NUP214: variants seen among roughly 807,000 people sequenced by gnomAD.
The protein encoded by NUP214 is nuclear pore complex protein Nup214.
In NUP214, 79 loss-of-function variants were observed where a neutral mutation model predicts 196.2. That is an observed-to-expected ratio of 0.40 (90% CI 0.34 to 0.49). NUP214 has a LOEUF of 0.49. Among genes scored for constraint, NUP214 ranks in the 20% least tolerant of loss-of-function variants. The pLI, the probability that NUP214 is intolerant of heterozygous loss-of-function variation, is 0.58. For synonymous variants in NUP214, 1,020 were observed against 990.5 expected (o/e 1.03, Z -0.56); for missense variants, 2,468 against 2,539.0 (o/e 0.97, Z 0.60).
chr9:131,221,276 T>TG (rs1484799432), intron 31 of NUP214, among the ~76,000 whole-genome samples: 1 of 152,190 alleles, frequency 6.6e-6, no homozygotes, highest in Non-Finnish European at 1.5e-5. Flanking sequence ...TGCCAGTACC[T>TG]GACATACCTG....
At chr9:131,233,253 T>C (rs1834927070) in intron 35 of NUP214, among the ~76,000 whole-genome samples, 1 of 151,940 alleles carries the variant, frequency 6.6e-6, no homozygotes, top group Non-Finnish European at 1.5e-5. Flanking sequence ...AAAGAAGCAC[T>C]TGAGCCCGAG....
At chr9:131,140,852 T>C in intron 11 of NUP214, 142 bp downstream of exon 11, 1 of 733,702 alleles carries the variant, frequency 1.4e-6, no homozygotes, top group Non-Finnish European at 2.1e-6. Context: ...CACTAATCTT[T>C]TTTTTAAACA....
At chr9:131,208,815 G>A (rs1477697911) in intron 30 of NUP214, among the ~76,000 whole-genome samples, 1 of 150,742 alleles carries the variant, frequency 6.6e-6, no homozygotes, top group Non-Finnish European at 1.5e-5. Flanking sequence ...AAGAGATGGA[G>A]ACCATCCTGG....
At chr9:131,138,313 G>T (rs563017492) in intron 9 of NUP214, among the ~76,000 whole-genome samples, 6 of 151,216 alleles carry the variant, frequency 4.0e-5, no homozygotes, top group Non-Finnish European at 8.8e-5. Flanking sequence ...CTGCTTTCCG[G>T]GTTCAAGTGA....
intron 19 of NUP214, 97 bp downstream of exon 19, chr9:131,163,270 C>G (rs1832695565): frequency 5.8e-6 from 7 of 1,201,948 alleles, no homozygotes; most frequent in Non-Finnish European, 8.1e-6. Context: ...GCAAGTGACT[C>G]TGTGTCTCTC....
At chr9:131,155,080 A>G (rs953280127) in intron 17 of NUP214, among the ~76,000 whole-genome samples, 1 of 152,222 alleles carries the variant, frequency 6.6e-6, no homozygotes, top group African/African-American at 2.4e-5. Context: ...TGTTTTCTGT[A>G]GTGGTTGTAC....
chr9:131,184,129 C>G (rs1833381188), intron 24 of NUP214, among the ~76,000 whole-genome samples: 1 of 140,952 alleles, frequency 7.1e-6, no homozygotes, highest in Non-Finnish European at 1.5e-5. Flanking sequence ...CTCTCAGGTT[C>G]AAGCGATTCT....
Position 131,228,413 on chromosome 9 carries a change from A to G in NUP214, c.6074+82A>G, listed in dbSNP as rs527794914. On this transcript the variant is annotated intron_variant, in intron 33 of 35. Coordinates refer to ENST00000359428, the MANE Select transcript of NUP214 (RefSeq NM_005085.4). Reference sequence around the variant, plus strand: ...GGCCTGTACTCTTGCTCTGAAAAGAAATTTGACCATGAGGTGAAGGCCCCT... The same window carrying G: ...GGCCTGTACTCTTGCTCTGAAAAGAGATTTGACCATGAGGTGAAGGCCCCT... 1,203 of 1,407,866 alleles carry G rather than the reference A, an allele frequency of 8.5e-4. 1 individual carries two copies. The highest frequency in any genetic ancestry group is 1.1e-3 in the Non-Finnish European group (1,124 of 1,056,962). 87.2% of individuals were successfully genotyped at this position (1,407,866 alleles called of 1,614,324 possible).
chr9:131,225,845 A>G (rs2131101153), intron 32 of NUP214, among the ~76,000 whole-genome samples: 1 of 152,338 alleles, frequency 6.6e-6, no homozygotes, highest in Middle Eastern at 3.4e-3. Context: ...AAAAGTATCT[A>G]TCCTCCCTTC....
chr9:131,159,323 A>G (rs1472074039), intron 17 of NUP214, 60 bp from the exon 18 acceptor site: 11 of 1,172,492 alleles, frequency 9.4e-6, no homozygotes, highest in Non-Finnish European at 1.4e-5. Flanking sequence ...CTGTTTTGAT[A>G]CATCTTCCCC....
Position 131,232,560 on chromosome 9 carries a change from A to G in NUP214, c.6239+252A>G, listed in dbSNP as rs1834909732. ...TCAAAGAGAAAAGAGCACGCCTGCC[A>G]GTGAGCTGGGCCTGAGGGCAGCGCT... On this transcript the variant is annotated intron_variant, in intron 35 of 35. Transcript: ENST00000359428. This position sits in a 1 kb window ranked among gnomAD's most constrained non-coding sequence, Gnocchi z 5.1. 1 of 574,952 alleles carries G rather than the reference A, an allele frequency of 1.7e-6. No individual in the cohort carries two copies. Among genetic ancestry groups the G allele is most frequent in the Admixed American group, 2.9e-5 (1 of 34,390 alleles). The allele number at this position is 574,952 out of a possible 1,614,324, so 35.6% of individuals were successfully genotyped here.
At chr9:131,178,701 T>TG (rs1346444906) in intron 24 of NUP214, among the ~76,000 whole-genome samples, 1 of 105,562 alleles carries the variant, frequency 9.5e-6, no homozygotes, top group Non-Finnish European at 2.0e-5. Flanking sequence ...GTGTGCAGGT[T>TG]GATTTTTTTT....
At chr9:131,148,412 T>G (rs1331496534) in intron 14 of NUP214, among the ~76,000 whole-genome samples, 1 of 152,214 alleles carries the variant, frequency 6.6e-6, no homozygotes, top group East Asian at 1.9e-4. Context: ...TATGTAGCAC[T>G]GCTATGACCG....
At position 131,198,616 on chromosome 9, in the gene NUP214, T is replaced by G. The variant is rs772935326; in HGVS notation, c.5122T>G (p.Phe1708Val). The G allele has an allele frequency of 1.9e-6, 3 of 1,614,158 alleles. No individual in the cohort carries two copies. The highest frequency in any genetic ancestry group is 2.2e-5 in the South Asian group (2 of 91,082). Reference protein sequence around the residue: ...AATPQVSSSGFSSPAFGTTAP... With the variant: ...AATPQVSSSGVSSPAFGTTAP... ...CACACCACAGGTCAGCAGCTCAGGG[T>G]TTAGCAGCCCAGCTTTTGGTACCAC... The change falls in exon 29 of 36, where the codon TTT becomes GTT. Residue 1708 changes from phenylalanine (F) to valine (V), a missense_variant. Phe to Val is a conservative substitution (Grantham distance 50, BLOSUM62 -1). This residue lies in a region of NUP214 where 1,801 missense variants were observed against 1,779.4 expected (regional missense o/e 1.01). Transcript: ENST00000359428.
chr9:131,215,663 G>A (rs914185470), intron 31 of NUP214, among the ~76,000 whole-genome samples: 1 of 152,044 alleles, frequency 6.6e-6, no homozygotes, highest in Non-Finnish European at 1.5e-5. Context: ...GTATTGGAGT[G>A]ACTTGAAGTG....
intron 1 of NUP214, among the ~76,000 whole-genome samples, chr9:131,126,794 CCCT>C (rs1285121464): frequency 5.3e-5 from 8 of 152,088 alleles, no homozygotes; most frequent in Non-Finnish European, 8.8e-5. Flanking sequence ...ACGTGATCCG[CCCT>C]CCTCTGGCTC....
intron 18 of NUP214, among the ~76,000 whole-genome samples, chr9:131,160,024 G>T (rs1015632516): frequency 1.3e-5 from 2 of 152,014 alleles, no homozygotes; most frequent in Non-Finnish European, 2.9e-5. Flanking sequence ...ATTGGATTCA[G>T]CCTAATTATC....
rs1353542640 is a variant in NUP214, at chr9:131,146,942, A to AAT, written c.1946-548_1946-547insAT. Among the ~76,000 whole-genome samples the AAT allele has an allele frequency of 6.6e-6, 1 of 151,414 alleles. No individual in the cohort carries two copies. Among genetic ancestry groups the AAT allele is most frequent in the Non-Finnish European group, 1.5e-5 (1 of 67,802 alleles). ...AGACTCTGTCTCAAAAAAAAAAAAA[A>AAT]GTACAGAGGAGAGAGTACCTGCAGT... On this transcript the variant is annotated intron_variant, in intron 13 of 35. Coordinates refer to ENST00000359428, the MANE Select transcript of NUP214 (RefSeq NM_005085.4). This position sits in a 1 kb window ranked among gnomAD's most constrained non-coding sequence, Gnocchi z 4.6.
At chr9:131,147,947 G>C (rs751708776) in intron 14 of NUP214, among the ~76,000 whole-genome samples, 3 of 152,220 alleles carry the variant, frequency 2.0e-5, no homozygotes, top group Non-Finnish European at 4.4e-5. Flanking sequence ...AGCACTTTGG[G>C]AGGCCAAGGC....
Sources: gnomAD v4.1 joint callset for allele counts (sites outside exome capture counted in the v4.1 genomes callset) on GRCh38, gnomAD v4.1.1 for gene constraint, gnomAD v4.1.1 regional missense constraint, Gnocchi (gnomAD v3.1) non-coding constraint, MANE v1.5 for transcripts, NCBI Gene and HGNC (gene_info 2026-07-23, HGNC 2026-07-21) for gene names.